CD99: variants seen among roughly 807,000 people sequenced by gnomAD.
CD99 encodes CD99 antigen.
Under a neutral mutation model 28.4 loss-of-function variants are expected in CD99, and 19 were observed. The observed-to-expected ratio is 0.67, with a 90% CI of 0.47 to 0.98. CD99 has a LOEUF of 0.98. CD99 is among the 50% of genes least tolerant of loss of function. CD99 has a pLI of 0.00. For missense variants in CD99, 283 were observed against 248.8 expected (o/e 1.14, Z -0.92); for synonymous variants, 103 against 92.1 (o/e 1.12, Z -0.67).
chrX:2,704,582 C>T (rs1422220346), intron 1 of CD99, among the ~76,000 whole-genome samples: 4 of 152,098 alleles, frequency 2.6e-5, no homozygotes, highest in Admixed American at 1.3e-4. Flanking sequence ...TACAGGTACA[C>T]GCCACCATGC....
intron 1 of CD99, among the ~76,000 whole-genome samples, chrX:2,699,566 G>A (rs190156991): frequency 5.4e-4 from 82 of 151,602 alleles, no homozygotes; most frequent in African/African-American, 1.8e-3. Flanking sequence ...TGCCACCCAG[G>A]TTCAAGTGAT....
intron 8 of CD99, 50 bp from the exon 9 acceptor site, chrX:2,738,149 TG>T: frequency 6.6e-7 from 1 of 1,518,188 alleles, no homozygotes; most frequent in Non-Finnish European, 9.2e-7. Flanking sequence ...TTTTGAGGAG[TG>T]GGTTATCTGT....
In CD99 at chrX:2,724,689, G is replaced by C. The variant is rs1448927908; in HGVS notation, c.361+1325G>C. On this transcript the variant is annotated intron_variant, in intron 7 of 9. Coordinates refer to ENST00000381192, the MANE Select transcript of CD99 (RefSeq NM_002414.5). Reference sequence around the variant, plus strand: ...GGAGGCCAAGGTGGGTGGATCACTTGAGGTCAGGAGTTCGAGACCAGCCTG... The same window carrying C: ...GGAGGCCAAGGTGGGTGGATCACTTCAGGTCAGGAGTTCGAGACCAGCCTG... Among the ~76,000 whole-genome samples, 10 of 152,172 alleles carry C rather than the reference G, an allele frequency of 6.6e-5. No homozygotes were observed. In the East Asian group the frequency reaches 1.9e-3, roughly 30 times the overall value.
At chrX:2,738,119 G>A (rs775822415) in intron 8 of CD99, 81 bp from the exon 9 acceptor site, 5 of 1,310,256 alleles carry the variant, frequency 3.8e-6, no homozygotes, top group African/African-American at 1.4e-5. Flanking sequence ...CCTCAGGAAA[G>A]CCCAAGTGTT....
chrX:2,692,617 G>T (rs2047380144), intron 1 of CD99, among the ~76,000 whole-genome samples: 1 of 152,190 alleles, frequency 6.6e-6, no homozygotes, highest in African/African-American at 2.4e-5. Flanking sequence ...TTTCCAGCCT[G>T]CAGGGGAGGT....
At chrX:2,733,330 T>C in intron 8 of CD99, 1 of 1,563,612 alleles carries the variant, frequency 6.4e-7, no homozygotes, top group Non-Finnish European at 8.7e-7. Flanking sequence ...ATTATTATTT[T>C]TTATCGTTTT....
rs763606598 is a variant in CD99, at chrX:2,722,684, T to C, written c.310+10T>C. 19 of 1,613,730 alleles carry C rather than the reference T, an allele frequency of 1.2e-5. No individual in the cohort carries two copies. In the African/African-American group the frequency reaches 2.0e-4, roughly 17 times the overall value. ...GTTTCAGGTGGAGAAGGTACAGTTA[T>C]CTTGTTTTCTGTCTCTTTTCTCTCT... On this transcript the variant is annotated intron_variant, in intron 6 of 9. Transcript: ENST00000381192.
intron 1 of CD99, among the ~76,000 whole-genome samples, chrX:2,697,475 T>C (rs311035): frequency 0.72 from 109,610 of 151,820 alleles, 39,826 homozygotes; most frequent in South Asian, 0.79. Context: ...GACACCTGAG[T>C]TTGCCCAGGT....
intron 8 of CD99, among the ~76,000 whole-genome samples, chrX:2,727,557 G>A (rs1410455142): frequency 6.6e-6 from 1 of 152,058 alleles, no homozygotes; most frequent in African/African-American, 2.4e-5. Flanking sequence ...GCTCACTGCA[G>A]TCTCCACCCC....
intron 1 of CD99, among the ~76,000 whole-genome samples, chrX:2,707,173 C>T (rs1028192652): frequency 1.4e-4 from 21 of 151,982 alleles, no homozygotes; most frequent in Non-Finnish European, 1.6e-4. Context: ...CTACTAAAAA[C>T]ACAAGAATTA....
intron 1 of CD99, among the ~76,000 whole-genome samples, chrX:2,693,453 C>T (rs1029794870): frequency 3.9e-5 from 6 of 152,114 alleles, no homozygotes; most frequent in African/African-American, 1.4e-4. Flanking sequence ...CCTTGAGGGA[C>T]GCTTCTCACC....
intron 8 of CD99, chrX:2,733,523 G>C: frequency 1.2e-6 from 1 of 805,660 alleles, no homozygotes; most frequent in African/African-American, 1.7e-5. Context: ...TCAATCACAT[G>C]GCGGATTCTC....
rs778195328 is a variant in CD99, at chrX:2,725,746, T to C, written c.362-514T>C. On this transcript the variant is annotated intron_variant, in intron 7 of 9. Transcript: ENST00000381192. Reference sequence around the variant, plus strand: ...CTCTGGACTCAGCCTCCTGAGTAGCTGGGATTAAAGGCACCCACCCTTACT... The same window carrying C: ...CTCTGGACTCAGCCTCCTGAGTAGCCGGGATTAAAGGCACCCACCCTTACT... Among the ~76,000 whole-genome samples, 8 of 152,278 alleles carry C rather than the reference T, an allele frequency of 5.3e-5. No homozygotes were observed. In the East Asian group the frequency reaches 1.4e-3, roughly 26 times the overall value.
chrX:2,719,469 T>C (rs2048894946), intron 3 of CD99, 192 bp from the exon 4 acceptor site: 1 of 652,296 alleles, frequency 1.5e-6, no homozygotes, highest in African/African-American at 1.8e-5. Context: ...TTTTTTCCTC[T>C]TTTTATCTGA....
chrX:2,730,664 G>T (rs1410995054), intron 8 of CD99, among the ~76,000 whole-genome samples: 4 of 152,014 alleles, frequency 2.6e-5, no homozygotes, highest in African/African-American at 9.7e-5. Context: ...TCCTGGGATT[G>T]ATTTTCTTGG....
intron 8 of CD99, among the ~76,000 whole-genome samples, chrX:2,736,646 A>G (rs1258254292): frequency 6.6e-6 from 1 of 151,976 alleles, no homozygotes; most frequent in East Asian, 1.9e-4. Context: ...TCACAAGGTC[A>G]GGAGATCAAG....
chrX:2,693,630 A>G (rs1184215869), intron 1 of CD99, among the ~76,000 whole-genome samples: 1 of 152,166 alleles, frequency 6.6e-6, no homozygotes, highest in Non-Finnish European at 1.5e-5. Flanking sequence ...AGCCTGAAGT[A>G]GGTTCTCAGA....
intron 1 of CD99, among the ~76,000 whole-genome samples, chrX:2,703,385 C>G (rs2047960580): frequency 6.6e-6 from 1 of 152,072 alleles, no homozygotes; most frequent in South Asian, 2.1e-4. Flanking sequence ...GCTTCGAGAT[C>G]AATGTGAGTG....
At chrX:2,702,051 TA>T (rs200621706) in intron 1 of CD99, among the ~76,000 whole-genome samples, 3,060 of 152,264 alleles carry the variant, frequency 0.02, 105 homozygotes, top group African/African-American at 0.069. Context: ...CAGATGTGTG[TA>T]ATTTGCTGCT....
Sources: allele counts gnomAD v4.1 joint callset (sites outside exome capture counted in the v4.1 genomes callset), GRCh38; gene constraint gnomAD v4.1.1; transcripts MANE v1.5; gene names NCBI Gene and HGNC (gene_info 2026-07-23, HGNC 2026-07-21).